BRWD1: variants seen among roughly 807,000 people sequenced by gnomAD.
BRWD1 encodes bromodomain and WD repeat domain containing 1.
In BRWD1, 82 loss-of-function variants were observed where a neutral mutation model predicts 251.2. The observed-to-expected ratio is 0.33, with a 90% CI of 0.27 to 0.39. The LOEUF is 0.39. Ranked by LOEUF, BRWD1 falls within the 10% of genes least tolerant of loss-of-function variation. BRWD1 has a pLI of 1.00. For missense variants in BRWD1, 2,233 were observed against 2,711.6 expected (o/e 0.82, Z 3.92); for synonymous variants, 918 against 902.8 (o/e 1.02, Z -0.30).
Position 39,191,739 on chromosome 21 carries a change from T to C in BRWD1, c.*4520A>G, listed in dbSNP as rs144671566. The C allele has an allele frequency of 5.1e-6, 5 of 985,362 alleles. No homozygotes were observed. The East Asian group carries it at 5.7e-4, about 112-fold the overall frequency. The allele number at this position is 985,362 out of a possible 1,614,324, so 61.0% of individuals were successfully genotyped here. On this transcript the variant is annotated 3_prime_UTR_variant, in exon 41 of 41. Transcript: ENST00000342449. ...TTGTAAAACAAAGGGGTAGAGCTGC[T>C]ACAGTCCATCTAGGCTCTATATACT...
rs770445855 is a variant in BRWD1 at position 39,196,720 on chromosome 21, C to T, written c.6349G>A (p.Asp2117Asn). The T allele has an allele frequency of 6.2e-6, 10 of 1,613,822 alleles. No individual in the cohort carries two copies. The South Asian group carries it at 9.9e-5, about 16-fold the overall frequency. The change falls in exon 41 of 41, where the codon GAT becomes AAT. Residue 2117 changes from aspartate to asparagine, a missense_variant. By Grantham distance (23) the Asp-to-Asn change is conservative. Transcript: ENST00000342449. ...APFSKTKVIH[D>N]SQETAEKEVK... ...TCCTTCTCTGCTGTTTCCTGTGAAT[C>T]ATGAATCACTTTTGTCTTACTAAAA...
chr21:39,266,295 T>A (rs577343560), intron 15 of BRWD1, among the ~76,000 whole-genome samples: 1 of 151,586 alleles, frequency 6.6e-6, no homozygotes, highest in Non-Finnish European at 1.5e-5. Flanking sequence ...GGAAAAAAAT[T>A]GTGTGTGTAT....
chr21:39,248,345 C>T (rs2034269050), intron 20 of BRWD1, among the ~76,000 whole-genome samples: 1 of 151,994 alleles, frequency 6.6e-6, no homozygotes, highest in Non-Finnish European at 1.5e-5. Flanking sequence ...GACGCGGGGG[C>T]TTACACCTGT....
At chr21:39,276,145 C>G (rs1449449117) in intron 12 of BRWD1, 28 bp downstream of exon 12, 1 of 1,591,298 alleles carries the variant, frequency 6.3e-7, no homozygotes, top group South Asian at 1.1e-5. Context: ...TAATAACACA[C>G]ACACACACAT....
chr21:39,228,885 T>C (rs1405661728), intron 26 of BRWD1, among the ~76,000 whole-genome samples: 2 of 152,216 alleles, frequency 1.3e-5, no homozygotes, highest in Non-Finnish European at 1.5e-5. Context: ...TTATGCCTCA[T>C]ACTCTGCCAA....
intron 36 of BRWD1, among the ~76,000 whole-genome samples, chr21:39,208,077 C>T (rs34978594): frequency 0.3 from 45,722 of 152,052 alleles, 7,360 homozygotes; most frequent in Middle Eastern, 0.35. Context: ...ATAAACGATG[C>T]CACTGAATTG....
intron 31 of BRWD1, 122 bp from the exon 32 acceptor site, chr21:39,215,484 A>T: frequency 1.2e-6 from 1 of 814,230 alleles, no homozygotes. Flanking sequence ...GCAAAGTTAT[A>T]ATGAATAACC....
rs1413832831 is a variant in BRWD1, at chr21:39,270,009, G to A, written c.1420C>T (p.Leu474=). The change falls in exon 15 of 41, where the codon CTG becomes TTG. Residue 474 remains leucine, a synonymous_variant. Transcript: ENST00000342449. ...CTGGAATCAAAGGGATGTGTCTCCA[G>A]AACAAATACTTCATCAGCATGTCCC... ...LMGHADEVFV[L]ETHPFDSRIM... 1 of 1,584,972 alleles carries A rather than the reference G, an allele frequency of 6.3e-7. No homozygotes were observed. Among genetic ancestry groups the A allele is most frequent in the Non-Finnish European group, 8.6e-7 (1 of 1,166,008 alleles).
rs1383214879 is a variant in BRWD1, at chr21:39,188,585, G to C, written c.*7674C>G. Reference sequence around the variant, plus strand: ...CTGTCACAAAGCTGACTGAAGGGCAGATGAGTACAGGTAAAAACTGCTTCT... The same window carrying C: ...CTGTCACAAAGCTGACTGAAGGGCACATGAGTACAGGTAAAAACTGCTTCT... On this transcript the variant is annotated 3_prime_UTR_variant, in exon 41 of 41. Transcript: ENST00000342449. 1 of 985,274 alleles carries C rather than the reference G, an allele frequency of 1.0e-6. No individual in the cohort carries two copies. Among genetic ancestry groups the C allele is most frequent in the Non-Finnish European group, 1.2e-6 (1 of 829,912 alleles). The allele number at this position is 985,274 out of a possible 1,614,324, so 61.0% of individuals were successfully genotyped here. A position where few individuals can be genotyped will look rare whatever the true frequency, so the allele number is the denominator to read the frequency against.
intron 4 of BRWD1, among the ~76,000 whole-genome samples, chr21:39,301,457 T>C (rs76333014): frequency 0.016 from 2,315 of 146,854 alleles, 58 homozygotes; most frequent in African/African-American, 0.055. Context: ...GAGTGGCCAA[T>C]AGTCAGGTAG....
At chr21:39,313,868 C>T (rs1477678074), upstream of BRWD1, 12 of 336,314 alleles carry the variant, frequency 3.6e-5, no homozygotes, top group East Asian at 5.1e-4. Flanking sequence ...GGTCCGAATC[C>T]CTGCGCGCAA....
At chr21:39,225,265 A>C in intron 27 of BRWD1, 68 bp from the exon 28 acceptor site, 2 of 1,113,010 alleles carry the variant, frequency 1.8e-6, no homozygotes, top group Non-Finnish European at 2.6e-6. Context: ...TTTAATCTAC[A>C]AAATACCATA....
chr21:39,295,423 G>A (rs534999603), intron 7 of BRWD1, among the ~76,000 whole-genome samples: 5 of 152,096 alleles, frequency 3.3e-5, no homozygotes, highest in South Asian at 4.2e-4. Flanking sequence ...TCCTGACCTC[G>A]TGATCCGCCT....
intron 32 of BRWD1, among the ~76,000 whole-genome samples, chr21:39,214,688 A>G (rs1010151342): frequency 6.6e-6 from 1 of 152,006 alleles, no homozygotes; most frequent in African/African-American, 2.4e-5. Flanking sequence ...ACCTAAGGGG[A>G]GACTAGATGA....
intron 39 of BRWD1, 94 bp from the exon 40 acceptor site, chr21:39,199,756 G>T (rs1436335184): frequency 1.6e-6 from 2 of 1,260,294 alleles, no homozygotes; most frequent in Non-Finnish European, 1.1e-6. Flanking sequence ...CACTTTTTTG[G>T]GGGGCGGGGA....
At position 39,191,596 on chromosome 21, in the gene BRWD1, T is replaced by C. The variant is rs575816073; in HGVS notation, c.*4663A>G. 119 of 984,912 alleles carry C rather than the reference T, an allele frequency of 1.2e-4. No homozygotes were observed. Among genetic ancestry groups the C allele is most frequent in the East Asian group, 2.3e-4 (2 of 8,808 alleles). 61.0% of individuals were successfully genotyped at this position (984,912 alleles called of 1,614,324 possible). ...GATTGGGATTTTGTAGGTGAATATA[T>C]AGTTGCAGTCCAAGGACTGATTCAC... On this transcript the variant is annotated 3_prime_UTR_variant, in exon 41 of 41. Coordinates refer to ENST00000342449, the MANE Select transcript of BRWD1 (RefSeq NM_033656.4).
At chr21:39,204,809 G>A (rs1460038581) in intron 37 of BRWD1, among the ~76,000 whole-genome samples, 1 of 152,132 alleles carries the variant, frequency 6.6e-6, no homozygotes, top group East Asian at 1.9e-4. Flanking sequence ...CTCGCATGCA[G>A]TTACAAAAAG....
chr21:39,195,770 CCTA>C lies in BRWD1; in HGVS notation c.*486_*488del. Reference sequence around the variant, plus strand: ...AAAAAAAAAAGTGGTAGGTACCTCGCCTACTAATCATGGTTACACCTCCCATGA... The same window carrying C: ...AAAAAAAAAAGTGGTAGGTACCTCGCCTAATCATGGTTACACCTCCCATGA... On this transcript the variant is annotated 3_prime_UTR_variant, in exon 41 of 41. Transcript: ENST00000342449. The C allele has an allele frequency of 1.0e-6, 1 of 985,486 alleles. No individual in the cohort carries two copies. Among genetic ancestry groups the C allele is most frequent in the Non-Finnish European group, 1.2e-6 (1 of 829,824 alleles). The allele number at this position is 985,486 out of a possible 1,614,324, so 61.0% of individuals were successfully genotyped here.
intron 23 of BRWD1, among the ~76,000 whole-genome samples, chr21:39,233,347 T>C (rs1226762110): frequency 6.6e-6 from 1 of 152,182 alleles, no homozygotes; most frequent in East Asian, 1.9e-4. Flanking sequence ...ACGTTTGCCA[T>C]GTAAACACCT....
Sources: allele counts gnomAD v4.1 joint callset (sites outside exome capture counted in the v4.1 genomes callset), GRCh38; gene constraint gnomAD v4.1.1; transcripts MANE v1.5; gene names NCBI Gene and HGNC (gene_info 2026-07-23, HGNC 2026-07-21).